CALN1: variants seen among roughly 807,000 people sequenced by gnomAD.
CALN1 encodes calcium-binding protein 8.
CALN1 carries 17 observed loss-of-function variants against 30.6 expected under a neutral mutation model. The ratio of observed to expected loss-of-function variants is 0.56; its 90% confidence interval spans 0.38 to 0.83. The LOEUF (loss-of-function observed/expected upper bound fraction) is 0.83, where lower values mean the gene tolerates loss of function less well. Among genes scored for constraint, CALN1 ranks in the 40% least tolerant of loss-of-function variants. CALN1 has a pLI of 0.00. For missense variants in CALN1, 291 were observed against 354.9 expected (o/e 0.82, Z 1.45); for synonymous variants, 156 against 131.4 (o/e 1.19, Z -1.28).
chr7:72,240,817 T>C (rs1794779136), intron 3 of CALN1, among the ~76,000 whole-genome samples: 1 of 152,222 alleles, frequency 6.6e-6, no homozygotes, highest in Admixed American at 6.5e-5. Context: ...CTGAATTATG[T>C]TTCCAAGTGA....
intron 5 of CALN1, among the ~76,000 whole-genome samples, chr7:71,978,748 T>C (rs1442043826): frequency 6.6e-6 from 1 of 152,204 alleles, no homozygotes; most frequent in Non-Finnish European, 1.5e-5. Context: ...CCCAGAGTCA[T>C]AGGCAACACT....
chr7:72,317,255 G>A (rs1164679216), intron 2 of CALN1, among the ~76,000 whole-genome samples: 1 of 141,856 alleles, frequency 7.0e-6, no homozygotes, highest in East Asian at 2.1e-4. Context: ...GGAGAGAGAA[G>A]GGGGGGACGG....
At chr7:71,891,326 C>A (rs1461614723) in intron 5 of CALN1, among the ~76,000 whole-genome samples, 1 of 152,214 alleles carries the variant, frequency 6.6e-6, no homozygotes, top group Non-Finnish European at 1.5e-5. Context: ...TGGATACCTG[C>A]TTCCCAATTG....
At chr7:72,390,136 T>C (rs143638819) in intron 2 of CALN1, among the ~76,000 whole-genome samples, 1 of 151,532 alleles carries the variant, frequency 6.6e-6, no homozygotes, top group African/African-American at 2.4e-5. Context: ...CTCTAAGAAA[T>C]AAGGGGGATT....
chr7:72,413,243 C>A (rs1179809454), upstream of CALN1, among the ~76,000 whole-genome samples: 1 of 151,004 alleles, frequency 6.6e-6, no homozygotes, highest in African/African-American at 2.4e-5. Context: ...TCACACACAC[C>A]ACACATACAC....
chr7:72,495,991 G>A, the CALN1 span, among the ~76,000 whole-genome samples: 1 of 152,150 alleles, frequency 6.6e-6, no homozygotes, highest in Non-Finnish European at 1.5e-5. Context: ...CACAATATTG[G>A]CTCACTGCAA....
the CALN1 span, among the ~76,000 whole-genome samples, chr7:72,473,661 G>A: frequency 1.1e-4 from 16 of 152,088 alleles, no homozygotes; most frequent in East Asian, 1.2e-3. Flanking sequence ...GGCTGGGCAC[G>A]GTGGCTCATG....
intron 3 of CALN1, among the ~76,000 whole-genome samples, chr7:72,162,859 A>C (rs1788216772): frequency 6.6e-6 from 1 of 152,232 alleles, no homozygotes; most frequent in African/African-American, 2.4e-5. Flanking sequence ...TTAAAGTCTT[A>C]ATGGATCAAG....
chr7:72,239,393 C>A (rs751601159), intron 3 of CALN1, among the ~76,000 whole-genome samples: 2 of 151,562 alleles, frequency 1.3e-5, no homozygotes, highest in African/African-American at 2.4e-5. Flanking sequence ...AAGACCTTGT[C>A]CCTAAAAATA....
intron 3 of CALN1, among the ~76,000 whole-genome samples, chr7:72,217,892 G>C (rs2129548909): frequency 7.6e-6 from 1 of 131,482 alleles, no homozygotes; most frequent in African/African-American, 2.9e-5. Flanking sequence ...ATGCGGGCTG[G>C]ACTGCAGTGG....
chr7:71,819,613 G>A (rs1338670437), intron 5 of CALN1, among the ~76,000 whole-genome samples: 1 of 152,024 alleles, frequency 6.6e-6, no homozygotes, highest in Non-Finnish European at 1.5e-5. Context: ...CTGAAACTTT[G>A]TACACTATTA....
At position 71,798,546 on chromosome 7, in the gene CALN1, T is replaced by A. The variant is rs146154257; in HGVS notation, c.659-10644A>T. On this transcript the variant is annotated intron_variant, in intron 6 of 6. Transcript: ENST00000395275. ...GTCTCGAACTCCTGGGCTCAAGTGATCCTCCCACCTTTGCCTCCCAAAGTG... is the reference window on the plus strand; with the variant it reads ...GTCTCGAACTCCTGGGCTCAAGTGAACCTCCCACCTTTGCCTCCCAAAGTG... Among the ~76,000 whole-genome samples, 387 of 151,414 alleles carry A rather than the reference T, an allele frequency of 2.6e-3. 2 individuals are homozygous for A. The highest frequency in any genetic ancestry group is 8.6e-3 in the African/African-American group (355 of 41,226).
At chr7:72,155,424 G>A (rs751706896) in intron 3 of CALN1, among the ~76,000 whole-genome samples, 5 of 151,464 alleles carry the variant, frequency 3.3e-5, no homozygotes, top group Admixed American at 6.6e-5. Context: ...CCTGGGAGGC[G>A]GAGCTTGCAA....
At position 72,410,760 on chromosome 7, in the gene CALN1, C is replaced by T. The variant is rs561817995; in HGVS notation, c.-74+1298G>A. On this transcript the variant is annotated intron_variant, in intron 1 of 6. Coordinates refer to ENST00000395275, the MANE Select transcript of CALN1 (RefSeq NM_031468.4). ...TAGGGAACTATATATATTTCCTGAA[C>T]ATAAATACACACACCTCCGTATCAG... Among the ~76,000 whole-genome samples the T allele has an allele frequency of 2.6e-5, 4 of 152,232 alleles. No individual in the cohort carries two copies. The South Asian group carries it at 6.2e-4, about 24-fold the overall frequency.
intron 3 of CALN1, among the ~76,000 whole-genome samples, chr7:72,122,682 C>A (rs1019954286): frequency 1.3e-5 from 2 of 152,126 alleles, no homozygotes; most frequent in Non-Finnish European, 2.9e-5. Flanking sequence ...ACTGTGATCA[C>A]GCCGCTGCAC....
chr7:72,069,157 G>T (rs537809951), intron 4 of CALN1, among the ~76,000 whole-genome samples: 1 of 152,152 alleles, frequency 6.6e-6, no homozygotes, highest in Non-Finnish European at 1.5e-5. Context: ...ACGTCCGTGC[G>T]GAATCGCAGA....
At chr7:72,041,712 T>C (rs536399598) in intron 4 of CALN1, among the ~76,000 whole-genome samples, 4 of 152,244 alleles carry the variant, frequency 2.6e-5, no homozygotes, top group South Asian at 4.1e-4. Context: ...GTAGCTCCCG[T>C]AATTCCCACG....
At chr7:72,144,616 A>C (rs1810210509) in intron 3 of CALN1, among the ~76,000 whole-genome samples, 1 of 152,188 alleles carries the variant, frequency 6.6e-6, no homozygotes, top group Admixed American at 6.5e-5. Context: ...CTCTGCACCA[A>C]ACAGACCTAA....
chr7:71,925,178 C>G (rs1390466902), intron 5 of CALN1, among the ~76,000 whole-genome samples: 1 of 151,970 alleles, frequency 6.6e-6, no homozygotes, highest in Admixed American at 6.6e-5. Context: ...AAGGTGGAGG[C>G]TGCAGTGAGC....
Sources: gnomAD v4.1 joint callset for allele counts (sites outside exome capture counted in the v4.1 genomes callset) on GRCh38, gnomAD v4.1.1 for gene constraint, MANE v1.5 for transcripts, NCBI Gene and HGNC (gene_info 2026-07-23, HGNC 2026-07-21) for gene names.